Variants in CNBD1 observed in about 807,000 individuals in gnomAD.
The protein encoded by CNBD1 is cyclic nucleotide binding domain containing 1, also known as cyclic nucleotide-binding domain-containing protein 1.
In CNBD1, 71 loss-of-function variants were observed where a neutral mutation model predicts 54.4. The observed-to-expected ratio is 1.30, with a 90% CI of 1.08 to 1.59. The LOEUF is 1.59. Among genes scored for constraint, CNBD1 ranks in the 40% most tolerant of loss-of-function variants. The pLI, the probability that CNBD1 is intolerant of heterozygous loss-of-function variation, is 0.00. For synonymous variants in CNBD1, 182 were observed against 170.7 expected (o/e 1.07, Z -0.51); for missense variants, 659 against 518.0 (o/e 1.27, Z -2.64).
intron 4 of CNBD1, among the ~76,000 whole-genome samples, chr8:87,156,759 CT>C (rs1812751793): frequency 6.6e-6 from 1 of 152,064 alleles, no homozygotes; most frequent in South Asian, 2.1e-4. Flanking sequence ...GGCTCTCATT[CT>C]CTTATTGTTT....
intron 3 of CNBD1, among the ~76,000 whole-genome samples, chr8:86,937,309 C>T (rs750617187): frequency 1.3e-5 from 2 of 152,178 alleles, no homozygotes; most frequent in East Asian, 1.9e-4. Context: ...TCCCACAACA[C>T]GTGGGAATTA....
At chr8:87,056,383 G>A (rs986306105) in intron 4 of CNBD1, among the ~76,000 whole-genome samples, 13 of 152,078 alleles carry the variant, frequency 8.5e-5, no homozygotes, top group African/African-American at 2.9e-4. Flanking sequence ...ACAGTCCCTA[G>A]ACTTAAATAC....
intron 4 of CNBD1, among the ~76,000 whole-genome samples, chr8:87,075,051 C>T: frequency 6.6e-6 from 1 of 152,192 alleles, no homozygotes; most frequent in East Asian, 1.9e-4. Context: ...AGTAGTACTA[C>T]TTATCTCTTA....
intron 4 of CNBD1, among the ~76,000 whole-genome samples, chr8:86,976,186 C>CGT (rs1442285244): frequency 4.8e-5 from 2 of 42,014 alleles, no homozygotes; most frequent in East Asian, 2.4e-3. Flanking sequence ...TGTGCATTGA[C>CGT]CTTTTTTTTT....
At chr8:87,105,410 G>T (rs1291150396) in intron 4 of CNBD1, among the ~76,000 whole-genome samples, 1 of 152,282 alleles carries the variant, frequency 6.6e-6, no homozygotes, top group Admixed American at 6.5e-5. Flanking sequence ...TGGGATAATG[G>T]TATGATCTTA....
intron 4 of CNBD1, among the ~76,000 whole-genome samples, chr8:87,075,869 T>C (rs60010261): frequency 0.01 from 1,588 of 152,310 alleles, 37 homozygotes; most frequent in African/African-American, 0.036. Flanking sequence ...CCCTGGGGTT[T>C]TGGTAAAATG....
At chr8:86,923,362 C>G (rs78363496) in intron 3 of CNBD1, among the ~76,000 whole-genome samples, 11,544 of 152,210 alleles carry the variant, frequency 0.076, 542 homozygotes, top group African/African-American at 0.14. Context: ...GGGCACCTTC[C>G]CTTTCTATCT....
intron 4 of CNBD1, among the ~76,000 whole-genome samples, chr8:87,081,933 T>C (rs1811002779): frequency 6.6e-6 from 1 of 152,236 alleles, no homozygotes. Context: ...AATTGTAGTT[T>C]GTTTATTCCT....
chr8:87,305,653 G>A (rs117830899), intron 8 of CNBD1, among the ~76,000 whole-genome samples: 3,061 of 152,126 alleles, frequency 0.02, 44 homozygotes, highest in Non-Finnish European at 0.029. Context: ...CATAAAGTAG[G>A]GAAAGGAACC....
intron 2 of CNBD1, among the ~76,000 whole-genome samples, chr8:87,427,285 TG>T (rs1314937837): frequency 6.6e-6 from 1 of 152,156 alleles, no homozygotes; most frequent in East Asian, 1.9e-4. Context: ...CAAATGAGTT[TG>T]GGGTATAAAA....
chr8:87,154,192 TC>T (rs2130751881), intron 4 of CNBD1, among the ~76,000 whole-genome samples: 1 of 152,232 alleles, frequency 6.6e-6, no homozygotes, highest in African/African-American at 2.4e-5. Context: ...ACCTATCGCA[TC>T]TCCAATTTGG....
At chr8:87,062,629 T>G (rs1444578100) in intron 4 of CNBD1, among the ~76,000 whole-genome samples, 1 of 151,690 alleles carries the variant, frequency 6.6e-6, no homozygotes, top group African/African-American at 2.4e-5. Context: ...CCCAGCTACT[T>G]AGGAAGGCTG....
intron 4 of CNBD1, among the ~76,000 whole-genome samples, chr8:86,969,490 T>G (rs1808170221): frequency 6.6e-6 from 1 of 152,098 alleles, no homozygotes; most frequent in Admixed American, 6.6e-5. Context: ...TTAGGAAATT[T>G]TACTTAACAG....
intron 4 of CNBD1, among the ~76,000 whole-genome samples, chr8:87,035,504 T>G (rs931376242): frequency 7.9e-5 from 12 of 152,236 alleles, no homozygotes; most frequent in Admixed American, 3.9e-4. Flanking sequence ...AGTATACATG[T>G]GCATAGCTTA....
chr8:86,881,608 A>G (rs1279021654), intron 1 of CNBD1, among the ~76,000 whole-genome samples: 1 of 152,262 alleles, frequency 6.6e-6, no homozygotes, highest in African/African-American at 2.4e-5. Context: ...CAATTTATAG[A>G]TTCAATGCTA....
chr8:87,178,542 T>C (rs540870810), intron 4 of CNBD1, among the ~76,000 whole-genome samples: 9 of 152,186 alleles, frequency 5.9e-5, no homozygotes, highest in Non-Finnish European at 1.0e-4. Context: ...GTCGGAGAGA[T>C]AGTTTGGCCC....
At chr8:87,048,244 T>G (rs2130619975) in intron 4 of CNBD1, among the ~76,000 whole-genome samples, 1 of 151,982 alleles carries the variant, frequency 6.6e-6, no homozygotes, top group East Asian at 1.9e-4. Flanking sequence ...TTGTTTTCAT[T>G]CCTATTGGAA....
At chr8:87,094,899 C>T (rs1811286760) in intron 4 of CNBD1, among the ~76,000 whole-genome samples, 1 of 152,102 alleles carries the variant, frequency 6.6e-6, no homozygotes, top group Non-Finnish European at 1.5e-5. Flanking sequence ...ATTAGCTGGG[C>T]ATGGTGAAAG....
intron 6 of CNBD1, among the ~76,000 whole-genome samples, chr8:87,266,561 C>A (rs1397478597): frequency 7.1e-6 from 1 of 140,152 alleles, no homozygotes; most frequent in Admixed American, 7.8e-5. Context: ...AATGGATTCT[C>A]CTGCTTCAGC....
Sources: allele counts gnomAD v4.1 joint callset (sites outside exome capture counted in the v4.1 genomes callset), GRCh38; gene constraint gnomAD v4.1.1; transcripts MANE v1.5; gene names NCBI Gene and HGNC (gene_info 2026-07-23, HGNC 2026-07-21).